INTS4: variants seen among roughly 807,000 people sequenced by gnomAD.
INTS4 encodes integrator complex subunit 4, also known as MSTP093.
In INTS4, 70 loss-of-function variants were observed where a neutral mutation model predicts 119.5. The ratio of observed to expected loss-of-function variants is 0.59; its 90% CI spans 0.48 to 0.71. The LOEUF is 0.71. Among genes scored for constraint, INTS4 ranks in the 30% least tolerant of loss-of-function variants. The probability of loss-of-function intolerance (pLI) is 0.00; values close to 1 mark genes in which losing one functional copy is unlikely to be tolerated. For missense variants in INTS4, 867 were observed against 1,173.2 expected (o/e 0.74, Z 3.81); for synonymous variants, 316 against 419.6 (o/e 0.75, Z 3.02).
chr11:77,908,308 C>A lies in INTS4; in HGVS notation c.1923-498G>T, dbSNP rs181241931. Among the ~76,000 whole-genome samples, 36 of 149,850 alleles carry A rather than the reference C, an allele frequency of 2.4e-4. No individual in the cohort carries two copies. In the East Asian group the frequency reaches 6.8e-3, roughly 28 times the overall value. On this transcript the variant is annotated intron_variant, in intron 15 of 22. Coordinates refer to ENST00000534064, the MANE Select transcript of INTS4 (RefSeq NM_033547.4). ...GTTTGTTACATAGGTATACACGCGTCATGATGGTTTGCTGCATCCATCTTT... is the reference window on the plus strand; with the variant it reads ...GTTTGTTACATAGGTATACACGCGTAATGATGGTTTGCTGCATCCATCTTT...
At chr11:77,927,837 C>T (rs976253814) in intron 11 of INTS4, among the ~76,000 whole-genome samples, 1 of 152,222 alleles carries the variant, frequency 6.6e-6, no homozygotes, top group Non-Finnish European at 1.5e-5. Context: ...TCTACACTAT[C>T]ATTATAATAA....
At chr11:77,903,471 T>A (rs1342883334) in intron 17 of INTS4, 69 bp downstream of exon 17, 1 of 1,606,970 alleles carries the variant, frequency 6.2e-7, no homozygotes, top group Non-Finnish European at 8.5e-7. Context: ...GGAAGGCCTC[T>A]GGCTCTGTCT....
chr11:77,993,526 A>C (rs942736486), intron 1 of INTS4, among the ~76,000 whole-genome samples: 5 of 152,232 alleles, frequency 3.3e-5, no homozygotes, highest in African/African-American at 1.2e-4. Context: ...GAACAACAGA[A>C]TGTTGGGAAG....
In INTS4 at chr11:77,981,461, T is replaced by TC; in HGVS notation, c.361dup (p.Glu121GlyfsTer20). ...AGAGCTTTTAAATTGCAACTTACTT[T>TC]CATTCTGCAGGATGTTGATGGCATC... is the stretch of plus-strand genomic sequence containing the variant. On this transcript the variant is annotated frameshift_variant, in exon 3 of 23. Coordinates refer to ENST00000534064, the MANE Select transcript of INTS4 (RefSeq NM_033547.4). LOFTEE classifies it high-confidence loss of function. 2 of 1,468,546 alleles carry TC rather than the reference T, an allele frequency of 1.4e-6. No homozygotes were observed. Among genetic ancestry groups the TC allele is most frequent in the Non-Finnish European group, 9.2e-7 (1 of 1,081,180 alleles). 91.0% of individuals were successfully genotyped at this position (1,468,546 alleles called of 1,614,324 possible).
chr11:77,883,735 C>G, intron 22 of INTS4, 97 bp downstream of exon 22: 4 of 1,280,360 alleles, frequency 3.1e-6, no homozygotes, highest in Non-Finnish European at 4.3e-6. Context: ...CCTGATTCAT[C>G]CATGTATTTT....
chr11:77,976,202 T>C (rs974779707), intron 4 of INTS4, among the ~76,000 whole-genome samples: 1 of 152,208 alleles, frequency 6.6e-6, no homozygotes, highest in African/African-American at 2.4e-5. Flanking sequence ...TATCTAATGC[T>C]AGAATAATGC....
rs780984349 is a variant in INTS4, at chr11:77,883,874, G to A, written c.2671C>T (p.Arg891Trp). ...DFRNPGPGRH[R>W]LITQVYLSHT... Reference sequence around the variant, plus strand: ...GAGAGATAAACCTGAGTGATGAGCCGGTGCCGCCCTGGGCCAGGATTCCGG... The same window carrying A: ...GAGAGATAAACCTGAGTGATGAGCCAGTGCCGCCCTGGGCCAGGATTCCGG... The change falls in exon 22 of 23, where the codon CGG becomes TGG. Residue 891 changes from arginine to tryptophan, a missense_variant. By Grantham distance (101) the Arg-to-Trp change is moderately radical (BLOSUM62 -3). Transcript: ENST00000534064. 6.8e-6 allele frequency: 11 copies of A among 1,612,626 alleles called. No homozygotes were observed. In the East Asian group the frequency reaches 1.1e-4, roughly 16 times the overall value.
intron 12 of INTS4, among the ~76,000 whole-genome samples, chr11:77,924,137 G>A (rs549859353): frequency 1.3e-4 from 20 of 148,992 alleles, no homozygotes; most frequent in Admixed American, 3.4e-4. Flanking sequence ...GCTCATGCCT[G>A]TAATCCCAGC....
chr11:77,931,393 T>C (rs1953645890), intron 10 of INTS4, among the ~76,000 whole-genome samples: 1 of 152,164 alleles, frequency 6.6e-6, no homozygotes, highest in Admixed American at 6.5e-5. Flanking sequence ...TGTATAAATG[T>C]GATAAAATTA....
chr11:77,951,805 A>G (rs1195714106), intron 8 of INTS4, among the ~76,000 whole-genome samples: 1 of 152,240 alleles, frequency 6.6e-6, no homozygotes, highest in Non-Finnish European at 1.5e-5. Context: ...ATGAACTCAA[A>G]CAAATCTACA....
intron 18 of INTS4, among the ~76,000 whole-genome samples, chr11:77,894,636 G>C (rs1350463943): frequency 2.0e-5 from 3 of 152,198 alleles, no homozygotes; most frequent in Non-Finnish European, 4.4e-5. Flanking sequence ...CAGGAGAGAA[G>C]CATAGCATGT....
intron 14 of INTS4, among the ~76,000 whole-genome samples, chr11:77,919,405 G>A (rs886413076): frequency 1.4e-4 from 21 of 151,960 alleles, no homozygotes; most frequent in African/African-American, 5.1e-4. Context: ...TCTTGCCTCA[G>A]CCTCCTGAGT....
chr11:77,877,085 A>ACTT (rs1484335670), downstream of INTS4: 13 of 701,884 alleles, frequency 1.9e-5, no homozygotes, highest in Non-Finnish European at 2.6e-5. Flanking sequence ...CCTGGAGTTA[A>ACTT]TCATTCTTCC....
At chr11:77,917,738 T>A (rs1218284664) in intron 15 of INTS4, among the ~76,000 whole-genome samples, 1 of 151,864 alleles carries the variant, frequency 6.6e-6, no homozygotes, top group Non-Finnish European at 1.5e-5. Context: ...CAATACTGCT[T>A]TTGCTAAAAG....
intron 4 of INTS4, among the ~76,000 whole-genome samples, chr11:77,972,853 G>T (rs1281342720): frequency 6.8e-6 from 1 of 146,046 alleles, no homozygotes; most frequent in African/African-American, 2.5e-5. Flanking sequence ...TTTTAATACA[G>T]ATAGGGTCTC....
chr11:77,955,915 C>T lies in INTS4; in HGVS notation c.918+27G>A, dbSNP rs766610609. The stretch of plus-strand genomic sequence containing the variant: ...AAGAAAATAAATATATACATGCATA[C>T]ATACATACATAAAAAGTATAACTTA... On this transcript the variant is annotated intron_variant, in intron 8 of 22. Coordinates refer to ENST00000534064, the MANE Select transcript of INTS4 (RefSeq NM_033547.4). 8 of 1,571,356 alleles carry T rather than the reference C, an allele frequency of 5.1e-6. No homozygotes were observed. In the East Asian group the frequency reaches 1.6e-4, roughly 32 times the overall value.
intron 15 of INTS4, chr11:77,918,239 CT>C (rs1411351936): frequency 1.1e-5 from 7 of 641,578 alleles, no homozygotes; most frequent in Non-Finnish European, 2.0e-5. Flanking sequence ...TGAGACCAGC[CT>C]GGCCACCATG....
intron 4 of INTS4, among the ~76,000 whole-genome samples, chr11:77,966,960 T>C (rs1206610384): frequency 1.3e-5 from 2 of 152,202 alleles, no homozygotes; most frequent in Non-Finnish European, 2.9e-5. Flanking sequence ...TATTTTGCAC[T>C]ACTACTACCA....
intron 21 of INTS4, chr11:77,884,783 C>A: frequency 2.4e-6 from 1 of 408,260 alleles, no homozygotes; most frequent in Non-Finnish European, 5.0e-6. Flanking sequence ...AAAACAGGGT[C>A]TTACTCTGCC....
Sources: allele counts gnomAD v4.1 joint callset (sites outside exome capture counted in the v4.1 genomes callset), GRCh38; gene constraint gnomAD v4.1.1; transcripts MANE v1.5; gene names NCBI Gene and HGNC (gene_info 2026-07-23, HGNC 2026-07-21).